Variants in PABPC4 observed in about 807,000 individuals in gnomAD.
The protein encoded by PABPC4 is polyadenylate-binding protein 4.
A neutral mutation model predicts 74.5 loss-of-function variants in PABPC4; 15 were observed. That is an observed-to-expected ratio of 0.20 (90% CI 0.13 to 0.31). PABPC4 has a LOEUF of 0.31. PABPC4 is among the 10% of genes least tolerant of loss of function. The pLI, the probability that PABPC4 is intolerant of heterozygous loss-of-function variation, is 1.00. For synonymous variants in PABPC4, 345 were observed against 303.0 expected, an observed-to-expected ratio of 1.14 and a Z score of -1.44; for missense variants, 610 against 853.5, an observed-to-expected ratio of 0.71 and a Z score of 3.55.
rs759084730 is a variant in PABPC4, at chr1:39,563,685, G to GAGCAGC, written c.1591_1596dup (p.Ala531_Ala532dup). 4 of 1,614,274 alleles carry GAGCAGC rather than the reference G, an allele frequency of 2.5e-6. No homozygotes were observed. The highest frequency in any genetic ancestry group is 1.7e-5 in the Admixed American group (1 of 60,032). The stretch of plus-strand genomic sequence containing the variant: ...TATTTGTAGGGGGCAACAGCCCGGG[G>GAGCAGC]AGCAGCAGCAGCAACAGCAGCGCGT... On this transcript the variant is annotated inframe_insertion, in exon 12 of 16. Coordinates refer to ENST00000372858, the MANE Select transcript of PABPC4 (RefSeq NM_001135653.2).
intron 6 of PABPC4, 112 bp downstream of exon 6, chr1:39,568,689 TG>T (rs1293249040): frequency 1.3e-5 from 12 of 943,820 alleles, no homozygotes; most frequent in Admixed American, 9.4e-5. Flanking sequence ...TTAGGTAAAA[TG>T]GGAAGAAGAA....
In PABPC4 at chr1:39,562,216, T is replaced by C. The variant is rs189716705; in HGVS notation, c.1763-13A>G. 286 of 1,614,024 alleles carry C rather than the reference T, an allele frequency of 1.8e-4. 2 individuals carry two copies. In the East Asian group the frequency reaches 2.7e-3, roughly 15 times the overall value. ...AACAAGCGTTCTCCTATGGGGAGGA[T>C]AGTTAATAAAAAAACAAATCAAATC... On this transcript the variant is annotated splice_polypyrimidine_tract_variant and intron_variant, in intron 13 of 15. Transcript: ENST00000372858.
intron 1 of PABPC4, 69 bp downstream of exon 1, chr1:39,575,690 G>A (rs948868642): frequency 4.6e-6 from 6 of 1,301,604 alleles, no homozygotes; most frequent in East Asian, 2.8e-5. Flanking sequence ...CGGCAGGAGG[G>A]CCCTGCCAGA....
intron 10 of PABPC4, 68 bp from the exon 11 acceptor site, chr1:39,563,990 G>A (rs938969502): frequency 6.8e-7 from 1 of 1,468,058 alleles, no homozygotes; most frequent in Non-Finnish European, 9.5e-7. Flanking sequence ...TCCCACGGAA[G>A]GAGAAATTTC....
At chr1:39,568,746 T>C in intron 6 of PABPC4, 56 bp downstream of exon 6, 2 of 1,552,294 alleles carry the variant, frequency 1.3e-6, no homozygotes, top group East Asian at 2.2e-5. Context: ...CATAGGGGTG[T>C]TCTGCAAATA....
rs933332976 is a variant in PABPC4, at chr1:39,572,802, A to G, written c.194-216T>C. On this transcript the variant is annotated intron_variant, in intron 1 of 15. Coordinates refer to ENST00000372858, the MANE Select transcript of PABPC4 (RefSeq NM_001135653.2). ...GACTCTACTTCATGACAGAAGTCTA[A>G]ACACCCTTCTGGGTCTGTGCCCTTG... is the stretch of plus-strand genomic sequence containing the variant. 2.9e-5 allele frequency: 14 copies of G among 483,110 alleles called. 1 individual carries two copies. The highest frequency in any genetic ancestry group is 1.1e-3 in the Middle Eastern group (2 of 1,886). 29.9% of individuals were successfully genotyped at this position (483,110 alleles called of 1,614,324 possible).
intron 6 of PABPC4, 45 bp downstream of exon 6, chr1:39,568,757 T>C: frequency 1.3e-6 from 2 of 1,588,310 alleles, no homozygotes; most frequent in East Asian, 2.2e-5. Context: ...TCTGCAAATA[T>C]TTCACAGCAA....
At position 39,564,498 on chromosome 1, in the gene PABPC4, G is replaced by A; in HGVS notation, c.1378C>T (p.Pro460Ser). Reference sequence around the variant, plus strand: ...GTTGGAGCCAGATGGCGAAGAGTTGGACGAGGCCCAGACTGGCGTATAGCA... The same window carrying A: ...GTTGGAGCCAGATGGCGAAGAGTTGAACGAGGCCCAGACTGGCGTATAGCA... ...PSAIRQSGPR[P>S]TLRHLAPTGN... The change falls in exon 10 of 16, where the codon CCA becomes TCA. Residue 460 changes from proline (P) to serine (S), a missense_variant. Transcript: ENST00000372858. 1 of 1,614,230 alleles carries A rather than the reference G, an allele frequency of 6.2e-7. No homozygotes were observed. The highest frequency in any genetic ancestry group is 8.5e-7 in the Non-Finnish European group (1 of 1,180,030).
At chr1:39,573,237 G>C (rs987676532) in intron 1 of PABPC4, 3 of 150,914 alleles carry the variant, frequency 2.0e-5, no homozygotes, top group African/African-American at 7.3e-5. Context: ...TCTGAGAACA[G>C]AAATTGACTT....
chr1:39,564,499 A>G lies in PABPC4; in HGVS notation c.1377T>C (p.Arg459=), dbSNP rs1645806890. The G allele has an allele frequency of 6.2e-7, 1 of 1,614,256 alleles. No individual in the cohort carries two copies. The highest frequency in any genetic ancestry group is 8.5e-7 in the Non-Finnish European group (1 of 1,180,044). ...MPSAIRQSGP[R]PTLRHLAPTG... ...TTGGAGCCAGATGGCGAAGAGTTGG[A>G]CGAGGCCCAGACTGGCGTATAGCAC... Residue 459 remains arginine (R), a synonymous_variant, in exon 10 of 16, where the codon CGT becomes CGC. Transcript: ENST00000372858.
chr1:39,563,652 T>C lies in PABPC4; in HGVS notation c.1630A>G (p.Ser544Gly), dbSNP rs1396371553. Residue 544 changes from serine to glycine, a missense_variant, in exon 12 of 16, where the codon AGT becomes GGT. By Grantham distance (56) the Ser-to-Gly change is moderately conservative. This residue lies in a region of PABPC4 where 277 missense variants were observed against 301.8 expected (regional missense o/e 0.92). Transcript: ENST00000372858. Reference sequence around the variant, plus strand: ...ATGGCAGGATGAGGGCTGCGGACACTGGAGGCGTATTTGTAGGGGGCAACA... The same window carrying C: ...ATGGCAGGATGAGGGCTGCGGACACCGGAGGCGTATTTGTAGGGGGCAACA... ...RAVAPYKYAS[S>G]VRSPHPAIQP... The C allele has an allele frequency of 1.2e-6, 2 of 1,614,224 alleles. No homozygotes were observed. Among genetic ancestry groups the C allele is most frequent in the African/African-American group, 1.3e-5 (1 of 75,080 alleles).
In PABPC4 at chr1:39,563,736, GAACGCCTT is replaced by G; in HGVS notation, c.1541-3_1545del. 1 of 1,614,174 alleles carries G rather than the reference GAACGCCTT, an allele frequency of 6.2e-7. No individual in the cohort carries two copies. Among genetic ancestry groups the G allele is most frequent in the Non-Finnish European group, 8.5e-7 (1 of 1,179,990 alleles). ...GGCGCTAAGTTCTGCACAGCTGTGG[GAACGCCTT>G]AGGGAAAGAACAAATACAATTAAAG... On this transcript the variant is annotated splice_acceptor_variant and splice_polypyrimidine_tract_variant and coding_sequence_variant and intron_variant, in exon 12 of 16. Transcript: ENST00000372858. LOFTEE classifies it high-confidence loss of function.
At chr1:39,564,602 G>A in intron 9 of PABPC4, 60 bp from the exon 10 acceptor site, 1 of 1,611,746 alleles carries the variant, frequency 6.2e-7, no homozygotes, top group Non-Finnish European at 8.5e-7. Flanking sequence ...CCTAGGCTGT[G>A]CCTCAGAGTG....
intron 6 of PABPC4, 114 bp from the exon 7 acceptor site, chr1:39,567,960 T>TA (rs1404470109): frequency 4.7e-6 from 3 of 642,070 alleles, no homozygotes; most frequent in African/African-American, 3.7e-5. Flanking sequence ...GGGAACTTGT[T>TA]AGAAATGAAA....
At chr1:39,571,712 A>G (rs1178986148) in intron 2 of PABPC4, 1 of 432,940 alleles carries the variant, frequency 2.3e-6, no homozygotes, top group South Asian at 1.7e-5. Context: ...GTCTCTACAA[A>G]AAAGAAAAAA....
Position 39,564,433 on chromosome 1 carries a change from A to G in PABPC4, c.1443T>C (p.Thr481=). 1 of 1,613,846 alleles carries G rather than the reference A, an allele frequency of 6.2e-7. No homozygotes were observed. The change falls in exon 10 of 16, where the codon ACT becomes ACC. Residue 481 remains threonine, a synonymous_variant. Transcript: ENST00000372858. ...APASRGLPTT[T]QRVGSECPDR... is the part of the protein sequence containing the mutation. Reference sequence around the variant, plus strand: ...GGCCAGTTTGCTCACCGACTCTCTGAGTGGTAGTAGGGAGGCCACGAGAGG... The same window carrying G: ...GGCCAGTTTGCTCACCGACTCTCTGGGTGGTAGTAGGGAGGCCACGAGAGG...
At chr1:39,575,669 G>A (rs1232709905) in intron 1 of PABPC4, 90 bp downstream of exon 1, 3 of 1,111,352 alleles carry the variant, frequency 2.7e-6, no homozygotes, top group African/African-American at 3.3e-5. Context: ...CTGTCGTGAT[G>A]CCGCCCTCCT....
At chr1:39,561,258 G>A (rs1645764894) in intron 15 of PABPC4, 136 bp from the exon 16 acceptor site, 2 of 411,876 alleles carry the variant, frequency 4.9e-6, no homozygotes, top group Non-Finnish European at 9.8e-6. Flanking sequence ...ACATTCTGTT[G>A]GGTCTGTCCT....
chr1:39,561,802 C>T lies in PABPC4; in HGVS notation c.1894-15G>A, dbSNP rs372118598. The T allele has an allele frequency of 1.6e-5, 25 of 1,609,846 alleles. No homozygotes were observed. The highest frequency in any genetic ancestry group is 2.0e-5 in the Non-Finnish European group (24 of 1,176,444). The stretch of plus-strand genomic sequence containing the variant: ...GCTTCATCCACCTGCGAGAAATCTT[C>T]AGGTGGTCAGTGAATCTAGGAGAGC... On this transcript the variant is annotated splice_polypyrimidine_tract_variant and intron_variant, in intron 14 of 15. Coordinates refer to ENST00000372858, the MANE Select transcript of PABPC4 (RefSeq NM_001135653.2).
Sources: allele counts gnomAD v4.1 joint callset, GRCh38; gene constraint gnomAD v4.1.1; regional missense constraint gnomAD v4.1.1; transcripts MANE v1.5; gene names NCBI Gene and HGNC (gene_info 2026-07-23, HGNC 2026-07-21).